Variants in NMT2 observed in about 807,000 individuals in gnomAD.
NMT2 encodes the protein N-myristoyltransferase 2.
A neutral mutation model predicts 65.4 loss-of-function variants in NMT2; 35 were observed. That is an observed-to-expected ratio of 0.54 (90% CI 0.41 to 0.71). NMT2 has a LOEUF of 0.71. Ranked by LOEUF, NMT2 falls within the 30% of genes least tolerant of loss-of-function variation. NMT2 has a pLI of 0.00. For synonymous variants in NMT2, 226 were observed against 231.8 expected, an observed-to-expected ratio of 0.98 and a Z score of 0.23; for missense variants, 489 against 611.3, an observed-to-expected ratio of 0.80 and a Z score of 2.11.
chr10:15,135,313 T>C lies in NMT2; in HGVS notation c.352A>G (p.Arg118Gly). 1 of 1,614,176 alleles carries C rather than the reference T, an allele frequency of 6.2e-7. No homozygotes were observed. The highest frequency in any genetic ancestry group is 8.5e-7 in the Non-Finnish European group (1 of 1,180,032). ...GGTTGTGTGTCCCAAAACTGGTATC[T>C]GTGCTTTGCAGCCTCATCAATGTTC... Reference protein sequence around the residue: ...ARNIDEAAKHRYQFWDTQPVP... With the variant: ...ARNIDEAAKHGYQFWDTQPVP... The change falls in exon 3 of 12, where the codon AGA (arginine) becomes GGA (glycine). Residue 118 changes from arginine to glycine, a missense_variant. Transcript: ENST00000378165.
intron 2 of NMT2, among the ~76,000 whole-genome samples, chr10:15,138,093 C>G (rs1195200404): frequency 2.0e-5 from 3 of 151,240 alleles, no homozygotes; most frequent in Admixed American, 1.3e-4. Context: ...TCACTGTGAC[C>G]TCCGCCTCCT....
chr10:15,164,168 G>T (rs1408458328), intron 1 of NMT2, among the ~76,000 whole-genome samples: 1 of 131,722 alleles, frequency 7.6e-6, no homozygotes, highest in Non-Finnish European at 1.6e-5. Context: ...GGGGGACAGA[G>T]CGAGAATTGG....
At chr10:15,163,994 A>T (rs974972320) in intron 1 of NMT2, among the ~76,000 whole-genome samples, 17 of 152,036 alleles carry the variant, frequency 1.1e-4, no homozygotes, top group African/African-American at 3.9e-4. Flanking sequence ...CCTGGCTAAC[A>T]TGGTGAAACC....
intron 1 of NMT2, among the ~76,000 whole-genome samples, chr10:15,168,207 C>G (rs959192080): frequency 6.6e-6 from 1 of 152,108 alleles, no homozygotes; most frequent in African/African-American, 2.4e-5. Context: ...GCCTCCTGGG[C>G]CAGGCCGCCG....
rs751870022 is a variant in NMT2, at chr10:15,168,626, G to C, written c.-14C>G. 4 of 1,569,288 alleles carry C rather than the reference G, an allele frequency of 2.5e-6. No individual in the cohort carries two copies. The Admixed American group carries it at 5.2e-5, about 21-fold the overall frequency. On this transcript the variant is annotated 5_prime_UTR_variant, in exon 1 of 12. Transcript: ENST00000378165. ...GTCCTCCGCCATCGCGGCGGCGCTGGCTGGGGAGGCGGTGCTCGGGGCCGG... is the reference window on the plus strand; with the variant it reads ...GTCCTCCGCCATCGCGGCGGCGCTGCCTGGGGAGGCGGTGCTCGGGGCCGG...
Position 15,163,478 on chromosome 10 carries a change from G to C in NMT2, c.110+5025C>G, listed in dbSNP as rs150221304. Among the ~76,000 whole-genome samples, 819 of 152,296 alleles carry C rather than the reference G, an allele frequency of 5.4e-3. 6 individuals are homozygous for C. Among genetic ancestry groups the C allele is most frequent in the African/African-American group, 0.016 (658 of 41,564 alleles). On this transcript the variant is annotated intron_variant, in intron 1 of 11. Coordinates refer to ENST00000378165, the MANE Select transcript of NMT2 (RefSeq NM_004808.3). ...CAGATGCAAGTCTTAGCAGACACTT[G>C]ATCATTTCAAACAGTAGTTCTTGAT...
intron 9 of NMT2, among the ~76,000 whole-genome samples, chr10:15,113,239 G>A (rs746908603): frequency 1.3e-5 from 2 of 151,892 alleles, no homozygotes; most frequent in Non-Finnish European, 2.9e-5. Context: ...GGGAGGATGA[G>A]GCGTGTGGAT....
intron 1 of NMT2, among the ~76,000 whole-genome samples, chr10:15,166,989 G>A (rs773457505): frequency 5.3e-5 from 8 of 152,036 alleles, no homozygotes; most frequent in Non-Finnish European, 1.2e-4. Flanking sequence ...AAAAGTCCAG[G>A]GTCTCTCCAG....
intron 1 of NMT2, among the ~76,000 whole-genome samples, chr10:15,160,995 C>T (rs969771221): frequency 1.4e-5 from 2 of 142,836 alleles, no homozygotes; most frequent in African/African-American, 2.6e-5. Context: ...TTTGGGGAAC[C>T]GAGTCAGGTG....
At chr10:15,161,450 C>A (rs1833195283) in intron 1 of NMT2, among the ~76,000 whole-genome samples, 1 of 152,140 alleles carries the variant, frequency 6.6e-6, no homozygotes, top group South Asian at 2.1e-4. Context: ...CTCCTGGGTT[C>A]AAGTGATTCT....
chr10:15,154,437 A>C (rs1832918716), intron 1 of NMT2, among the ~76,000 whole-genome samples: 1 of 152,212 alleles, frequency 6.6e-6, no homozygotes, highest in African/African-American at 2.4e-5. Context: ...GATGAATACA[A>C]ACAGTATACA....
chr10:15,144,669 T>C (rs1336170736), intron 1 of NMT2, among the ~76,000 whole-genome samples: 1 of 151,776 alleles, frequency 6.6e-6, no homozygotes, highest in African/African-American at 2.4e-5. Context: ...AAGCGGAGCT[T>C]GCAGTGAGCC....
intron 1 of NMT2, among the ~76,000 whole-genome samples, chr10:15,158,337 A>G (rs1164769692): frequency 6.6e-6 from 1 of 151,990 alleles, no homozygotes; most frequent in Non-Finnish European, 1.5e-5. Context: ...AAAGAAAAAT[A>G]CATAAGCATA....
intron 2 of NMT2, among the ~76,000 whole-genome samples, chr10:15,139,185 C>T (rs1451343900): frequency 1.3e-5 from 2 of 152,144 alleles, no homozygotes; most frequent in Non-Finnish European, 2.9e-5. Context: ...CTCCTTGCTC[C>T]TCAGACTGCA....
chr10:15,139,159 G>T (rs1399535566), intron 2 of NMT2, among the ~76,000 whole-genome samples: 1 of 152,126 alleles, frequency 6.6e-6, no homozygotes, highest in Non-Finnish European at 1.5e-5. Flanking sequence ...CTTCAGTTTT[G>T]GAACTCAGAC....
intron 8 of NMT2, among the ~76,000 whole-genome samples, chr10:15,127,575 T>TA (rs1410611353): frequency 0.062 from 4,143 of 66,982 alleles, 627 homozygotes; most frequent in African/African-American, 0.36. Context: ...AAAAAATAAA[T>TA]AAATAAATAA....
intron 1 of NMT2, among the ~76,000 whole-genome samples, chr10:15,142,155 A>G (rs1435837171): frequency 1.3e-5 from 2 of 152,230 alleles, no homozygotes; most frequent in South Asian, 2.1e-4. Flanking sequence ...TTTTCTTTCC[A>G]CTGGTTATTC....
At chr10:15,116,328 G>A (rs1301558715) in intron 9 of NMT2, among the ~76,000 whole-genome samples, 1 of 152,092 alleles carries the variant, frequency 6.6e-6, no homozygotes, top group East Asian at 1.9e-4. Flanking sequence ...TCTAAGTAGG[G>A]GTGGGCTAAA....
At chr10:15,133,196 G>T in intron 4 of NMT2, 49 bp downstream of exon 4, 1 of 1,597,716 alleles carries the variant, frequency 6.3e-7, no homozygotes, top group Non-Finnish European at 8.6e-7. Context: ...CAACTTAGAA[G>T]CAATGTGTGA....
Sources: gnomAD v4.1 joint callset for allele counts (sites outside exome capture counted in the v4.1 genomes callset) on GRCh38, gnomAD v4.1.1 for gene constraint, MANE v1.5 for transcripts, NCBI Gene and HGNC (gene_info 2026-07-23, HGNC 2026-07-21) for gene names.